The following HDAC9 variants were observed in gnomAD, a reference collection of about 807,000 sequenced individuals.
HDAC9 encodes the protein histone deacetylase 9, also known as MEF-2 interacting transcription repressor (MITR) protein.
A neutral mutation model predicts 139.4 loss-of-function variants in HDAC9; 41 were observed. The ratio of observed to expected loss-of-function variants is 0.29; its 90% confidence interval spans 0.23 to 0.38. The LOEUF is 0.38. Ranked by LOEUF, HDAC9 falls within the 10% of genes least tolerant of loss-of-function variation. HDAC9 has a pLI of 1.00. For synonymous variants in HDAC9, 517 were observed against 476.2 expected, an observed-to-expected ratio of 1.09 and a Z score of -1.12; for missense variants, 1,147 against 1,297.0, an observed-to-expected ratio of 0.88 and a Z score of 1.78.
chr7:18,388,135 C>T (rs1786110103), intron 1 of HDAC9, among the ~76,000 whole-genome samples: 1 of 152,234 alleles, frequency 6.6e-6, no homozygotes. Context: ...GCTTGTTTTA[C>T]AAAAACGACG....
At chr7:18,314,245 G>C (rs569155931) in intron 1 of HDAC9, among the ~76,000 whole-genome samples, 2 of 152,160 alleles carry the variant, frequency 1.3e-5, no homozygotes, top group Admixed American at 6.5e-5. Flanking sequence ...TAATAAGCCT[G>C]CCTTATCTCC....
At position 18,523,830 on chromosome 7, in the gene HDAC9, T is replaced by C. The variant is rs145544722; in HGVS notation, c.22+27506T>C. ...TTTTCAGCAAAGGATTGGAGAAGGA[T>C]TGTTAAGGTGAGGAATTACACAAGA... On this transcript the variant is annotated intron_variant, in intron 2 of 25. Transcript: ENST00000686413. Among the ~76,000 whole-genome samples the C allele has an allele frequency of 1.3e-3, 197 of 152,114 alleles. 1 individual carries two copies. The highest frequency in any genetic ancestry group is 4.5e-3 in the African/African-American group (186 of 41,464).
chr7:18,384,461 A>G (rs998421140), intron 1 of HDAC9, among the ~76,000 whole-genome samples: 1 of 152,184 alleles, frequency 6.6e-6, no homozygotes, highest in Admixed American at 6.5e-5. Context: ...TTAATTCTGA[A>G]AGGGAGTGCC....
intron 1 of HDAC9, among the ~76,000 whole-genome samples, chr7:18,132,682 A>T (rs908767902): frequency 6.6e-6 from 1 of 152,174 alleles, no homozygotes; most frequent in Non-Finnish European, 1.5e-5. Context: ...CCTTCAACTA[A>T]GTTTATTCAG....
intron 2 of HDAC9, among the ~76,000 whole-genome samples, chr7:18,518,935 G>C (rs561814347): frequency 1.3e-5 from 2 of 152,244 alleles, no homozygotes; most frequent in East Asian, 3.9e-4. Flanking sequence ...TGAAGCTGTG[G>C]GATGTGTCGT....
At chr7:18,612,208 A>G (rs1837358683) in intron 6 of HDAC9, among the ~76,000 whole-genome samples, 1 of 152,116 alleles carries the variant, frequency 6.6e-6, no homozygotes. Flanking sequence ...TTCCATATAG[A>G]GGCTATTACA....
intron 1 of HDAC9, among the ~76,000 whole-genome samples, chr7:18,487,317 G>C (rs1412796564): frequency 1.3e-5 from 2 of 151,906 alleles, no homozygotes; most frequent in African/African-American, 2.4e-5. Flanking sequence ...TTTCCCAAAT[G>C]AAAAAGAGTG....
chr7:18,202,064 T>A (rs1443981064), intron 2 of HDAC9, among the ~76,000 whole-genome samples: 2 of 152,212 alleles, frequency 1.3e-5, no homozygotes, highest in Non-Finnish European at 2.9e-5. Context: ...GTTTACATCT[T>A]TGTTTAAGCT....
At chr7:18,419,991 C>A (rs1269614404) in intron 1 of HDAC9, among the ~76,000 whole-genome samples, 31 of 151,942 alleles carry the variant, frequency 2.0e-4, no homozygotes, top group Admixed American at 2.0e-3. Flanking sequence ...GGTACAGGCA[C>A]TATGAGAATA....
chr7:18,968,753 A>G (rs1230271028), intron 24 of HDAC9, among the ~76,000 whole-genome samples: 1 of 151,976 alleles, frequency 6.6e-6, no homozygotes, highest in Admixed American at 6.6e-5. Flanking sequence ...AGGTCAGGAG[A>G]TCGAGACCAT....
chr7:18,999,948 A>T lies in HDAC9; in HGVS notation c.*3886A>T, dbSNP rs755762435. On this transcript the variant is annotated 3_prime_UTR_variant, in exon 26 of 26. Transcript: ENST00000686413. ...GACTCTGTCAGTGTTTGACATTGTC[A>T]TTTCTAGTGGCATGTATCTTAACAT... is the stretch of plus-strand genomic sequence containing the variant. The T allele has an allele frequency of 6.6e-6, 1 of 152,316 alleles. No individual in the cohort carries two copies. The highest frequency in any genetic ancestry group is 2.4e-5 in the African/African-American group (1 of 41,580). 9.4% of individuals were successfully genotyped at this position (152,316 alleles called of 1,614,324 possible).
At chr7:18,923,663 T>TA (rs1803959813) in intron 22 of HDAC9, among the ~76,000 whole-genome samples, 1 of 152,096 alleles carries the variant, frequency 6.6e-6, no homozygotes, top group Non-Finnish European at 1.5e-5. Context: ...ACTCTATCTT[T>TA]ACCATTATGA....
At chr7:18,244,971 A>ATGT (rs1794422267) in intron 2 of HDAC9, among the ~76,000 whole-genome samples, 1 of 68,714 alleles carries the variant, frequency 1.5e-5, no homozygotes, top group Non-Finnish European at 3.3e-5. Context: ...ACATATATAT[A>ATGT]CATCTCTCTA....
intron 16 of HDAC9, among the ~76,000 whole-genome samples, chr7:18,769,131 A>T (rs1343814615): frequency 6.6e-6 from 1 of 152,132 alleles, no homozygotes; most frequent in Non-Finnish European, 1.5e-5. Flanking sequence ...TTAATGTATG[A>T]CTCAGGACTG....
At position 18,591,516 on chromosome 7, in the gene HDAC9, G is replaced by A. The variant is rs1451043159; in HGVS notation, c.416G>A (p.Arg139Lys). The stretch of plus-strand genomic sequence containing the variant: ...GTGTGTGTGTGTGTGTGTATTTCAG[G>A]GGCAGTGGCAAGTACAGAAGTAAAG... ...PLRGKDRGRE[R>K]AVASTEVKQK... Residue 139 changes from arginine to lysine, a missense_variant and splice_region_variant, in exon 5 of 26, where the codon AGG becomes AAG. Arg to Lys is a conservative substitution (Grantham distance 26). Transcript: ENST00000686413. The A allele has an allele frequency of 4.5e-6, 7 of 1,565,536 alleles. No individual in the cohort carries two copies. The highest frequency in any genetic ancestry group is 6.0e-6 in the Non-Finnish European group (7 of 1,158,048).
intron 25 of HDAC9, among the ~76,000 whole-genome samples, chr7:18,980,754 TCTTC>T (rs1784879812): frequency 3.7e-5 from 5 of 136,808 alleles, no homozygotes; most frequent in Admixed American, 6.9e-5. Flanking sequence ...TCCTTCTTCT[TCTTC>T]CTTCTTCTTC....
intron 2 of HDAC9, among the ~76,000 whole-genome samples, chr7:18,501,018 G>A (rs1475623101): frequency 6.6e-6 from 1 of 151,834 alleles, no homozygotes; most frequent in Non-Finnish European, 1.5e-5. Context: ...AAGATGAAAG[G>A]TTTGAAAAAA....
chr7:18,144,404 C>T (rs998925332), intron 1 of HDAC9, among the ~76,000 whole-genome samples: 2 of 152,184 alleles, frequency 1.3e-5, no homozygotes, highest in Non-Finnish European at 2.9e-5. Context: ...CCCTTTCACT[C>T]ACCCTGTCAT....
chr7:18,332,806 T>G (rs1292816442), intron 1 of HDAC9, among the ~76,000 whole-genome samples: 1 of 151,558 alleles, frequency 6.6e-6, no homozygotes, highest in African/African-American at 2.4e-5. Flanking sequence ...AGCTAATAGT[T>G]TTGTTAGGGG....
Sources: allele counts gnomAD v4.1 joint callset (sites outside exome capture counted in the v4.1 genomes callset), GRCh38; gene constraint gnomAD v4.1.1; transcripts MANE v1.5; gene names NCBI Gene and HGNC (gene_info 2026-07-23, HGNC 2026-07-21).